MRPS6: variants seen among roughly 807,000 people sequenced by gnomAD.
MRPS6 encodes small ribosomal subunit protein bS6m.
Under a neutral mutation model 13.1 loss-of-function variants are expected in MRPS6, and 6 were observed. The ratio of observed to expected loss-of-function variants is 0.46; its 90% CI spans 0.25 to 0.91. The LOEUF is 0.91. Ranked by LOEUF, MRPS6 falls within the 40% of genes least tolerant of loss-of-function variation. The pLI is 0.18. For missense variants in MRPS6, 164 were observed against 155.6 expected (o/e 1.05, Z -0.29); for synonymous variants, 61 against 56.5 (o/e 1.08, Z -0.36).
intron 1 of MRPS6, chr21:34,097,270 C>T (rs1420621644): frequency 1.2e-6 from 2 of 1,613,760 alleles, no homozygotes; most frequent in Non-Finnish European, 1.7e-6. Flanking sequence ...CTAGAAGAGA[C>T]TCGGCAAGTT....
At chr21:34,125,073 C>T in intron 1 of MRPS6, 1 of 355,542 alleles carries the variant, frequency 2.8e-6, no homozygotes, top group South Asian at 5.4e-5. Context: ...TTCCTGCCTC[C>T]CAGATCCCTG....
intron 1 of MRPS6, chr21:34,098,874 T>G: frequency 1.0e-6 from 1 of 999,840 alleles, no homozygotes; most frequent in Non-Finnish European, 1.2e-6. Context: ...AAATTATGTA[T>G]GTACTTTCTT....
chr21:34,075,691 A>G (rs1440706722), intron 1 of MRPS6, among the ~76,000 whole-genome samples: 2 of 152,226 alleles, frequency 1.3e-5, no homozygotes, highest in Non-Finnish European at 2.9e-5. Context: ...CTTGACCTAA[A>G]TAAAGTAATA....
intron 1 of MRPS6, among the ~76,000 whole-genome samples, chr21:34,093,982 T>C (rs1040012058): frequency 2.0e-5 from 3 of 152,198 alleles, no homozygotes; most frequent in African/African-American, 7.2e-5. Flanking sequence ...CTCTGCTTCT[T>C]ATACCCTTCA....
At chr21:34,114,328 A>T (rs1979819211) in intron 1 of MRPS6, among the ~76,000 whole-genome samples, 1 of 152,206 alleles carries the variant, frequency 6.6e-6, no homozygotes, top group Admixed American at 6.5e-5. Context: ...GGTGAGAAAG[A>T]GTGAAACTTT....
intron 1 of MRPS6, chr21:34,104,820 G>T: frequency 1.0e-6 from 1 of 1,000,002 alleles, no homozygotes; most frequent in Non-Finnish European, 1.2e-6. Context: ...TATGTGTTCT[G>T]TACCTTTACA....
intron 1 of MRPS6, among the ~76,000 whole-genome samples, chr21:34,088,294 A>G (rs1978500573): frequency 6.6e-6 from 1 of 152,240 alleles, no homozygotes; most frequent in African/African-American, 2.4e-5. Context: ...ACACTGATAA[A>G]AAGAATGAAG....
At chr21:34,092,049 T>C (rs1284821048) in intron 1 of MRPS6, among the ~76,000 whole-genome samples, 1 of 152,048 alleles carries the variant, frequency 6.6e-6, no homozygotes, top group East Asian at 1.9e-4. Flanking sequence ...TGTATTCTTA[T>C]AAAAATAAGG....
intron 1 of MRPS6, chr21:34,101,598 A>G (rs1055893786): frequency 4.0e-6 from 4 of 1,000,092 alleles, no homozygotes; most frequent in Non-Finnish European, 4.8e-6. Flanking sequence ...TCAGTTCTAC[A>G]CCTAGTCTTT....
chr21:34,134,221 G>A (rs1385931242), intron 2 of MRPS6, among the ~76,000 whole-genome samples: 1 of 152,216 alleles, frequency 6.6e-6, no homozygotes, highest in Non-Finnish European at 1.5e-5. Flanking sequence ...GTAGAAATAA[G>A]CAAGTGGAAT....
At chr21:34,092,370 C>A (rs55737125) in intron 1 of MRPS6, among the ~76,000 whole-genome samples, 152,320 of 152,320 alleles carry the variant, frequency 1, 76,160 homozygotes, top group Non-Finnish European at 1. Flanking sequence ...AAAATCTAGA[C>A]ACGACCCACA....
At chr21:34,105,556 T>C in intron 1 of MRPS6, 1 of 999,982 alleles carries the variant, frequency 1.0e-6, no homozygotes, top group Non-Finnish European at 1.2e-6. Context: ...CTGCTTATGA[T>C]GCTTTGTTCA....
At chr21:34,074,815 T>TA (rs1989286636) in intron 1 of MRPS6, among the ~76,000 whole-genome samples, 1 of 152,260 alleles carries the variant, frequency 6.6e-6, no homozygotes, top group Non-Finnish European at 1.5e-5. Context: ...CGAGGAGTAT[T>TA]ACCAAGTTTG....
At chr21:34,120,222 C>G (rs1204708196) in intron 1 of MRPS6, among the ~76,000 whole-genome samples, 1 of 152,134 alleles carries the variant, frequency 6.6e-6, no homozygotes. Flanking sequence ...TTGGTAGGGG[C>G]TTTAAGAAGT....
intron 2 of MRPS6, among the ~76,000 whole-genome samples, chr21:34,131,361 T>C (rs1379451201): frequency 6.6e-6 from 1 of 152,154 alleles, no homozygotes; most frequent in Non-Finnish European, 1.5e-5. Context: ...TCCTCTTGAT[T>C]CTCTCTTTTC....
Position 34,101,702 on chromosome 21 carries a change from A to G in MRPS6, c.46-23639A>G, listed in dbSNP as rs1460787841. 3.0e-6 allele frequency: 3 copies of G among 999,116 alleles called. No individual in the cohort carries two copies. The African/African-American group carries it at 5.2e-5, about 17-fold the overall frequency. 61.9% of individuals were successfully genotyped at this position (999,116 alleles called of 1,614,324 possible). On this transcript the variant is annotated intron_variant, in intron 1 of 2. Transcript: ENST00000399312. ...GTGTGTGAAAGTGATGTTTTGCCCC[A>G]GTATTGAGGACTTTTAGATCCAAAT...
At chr21:34,106,911 T>C (rs1045671670) in intron 1 of MRPS6, among the ~76,000 whole-genome samples, 11 of 152,170 alleles carry the variant, frequency 7.2e-5, no homozygotes, top group South Asian at 6.2e-4. Flanking sequence ...TTGGATTTTG[T>C]CTTTCACGGT....
At chr21:34,089,663 CTCCTG>C (rs1176541008) in intron 1 of MRPS6, among the ~76,000 whole-genome samples, 2 of 152,270 alleles carry the variant, frequency 1.3e-5, no homozygotes, top group East Asian at 3.9e-4. Context: ...CCCCTCCCCA[CTCCTG>C]TCCCGGGAGA....
intron 1 of MRPS6, 129 bp from the exon 2 acceptor site, chr21:34,125,212 G>A (rs1010750758): frequency 7.2e-7 from 1 of 1,391,556 alleles, no homozygotes; most frequent in Non-Finnish European, 9.5e-7. Flanking sequence ...ACCAGCTTCT[G>A]TTGCTTTTAC....
Sources: allele counts gnomAD v4.1 joint callset (sites outside exome capture counted in the v4.1 genomes callset), GRCh38; gene constraint gnomAD v4.1.1; transcripts MANE v1.5; gene names NCBI Gene and HGNC (gene_info 2026-07-23, HGNC 2026-07-21).